The following NBAS variants were observed in gnomAD, a reference collection of about 807,000 sequenced individuals.
NBAS encodes NAG/BC035112 fusion.
NBAS carries 219 observed loss-of-function variants against 302.5 expected under a neutral mutation model. The ratio of observed to expected loss-of-function variants is 0.72; its 90% confidence interval spans 0.65 to 0.81. The LOEUF (loss-of-function observed/expected upper bound fraction) is 0.81. Among genes scored for constraint, NBAS ranks in the 30% least tolerant of loss-of-function variants. The probability of loss-of-function intolerance (pLI) is 0.00; values close to 1 mark genes in which losing one functional copy is unlikely to be tolerated. For missense variants in NBAS, 2,932 were observed against 2,841.6 expected, an observed-to-expected ratio of 1.03 and a Z score of -0.72; for synonymous variants, 1,118 against 1,021.6, an observed-to-expected ratio of 1.09 and a Z score of -1.80.
At chr2:15,099,435 A>T in the NBAS span, among the ~76,000 whole-genome samples, 1 of 152,124 alleles carries the variant, frequency 6.6e-6, no homozygotes, top group Admixed American at 6.6e-5. Context: ...TGAAAAGAAC[A>T]TTGTAATTTT....
intron 44 of NBAS, among the ~76,000 whole-genome samples, chr2:15,243,551 G>C (rs1667956053): frequency 6.6e-6 from 1 of 151,346 alleles, no homozygotes; most frequent in Non-Finnish European, 1.5e-5. Context: ...GCAATATGTG[G>C]CTTTGGTTTT....
At chr2:15,347,396 CA>C in intron 35 of NBAS, among the ~76,000 whole-genome samples, 1 of 152,134 alleles carries the variant, frequency 6.6e-6, no homozygotes, top group Non-Finnish European at 1.5e-5. Context: ...GGAAACAACC[CA>C]AATGTCCACC....
chr2:15,300,040 G>A (rs1044242331), intron 40 of NBAS, among the ~76,000 whole-genome samples: 3 of 152,158 alleles, frequency 2.0e-5, no homozygotes, highest in Non-Finnish European at 4.4e-5. Context: ...AAATGCAGGC[G>A]AGGGAGGCAG....
the NBAS span, among the ~76,000 whole-genome samples, chr2:14,792,010 A>C: frequency 6.6e-6 from 1 of 151,912 alleles, no homozygotes; most frequent in Non-Finnish European, 1.5e-5. Flanking sequence ...GGACATCAAT[A>C]GGGGGAACCT....
At chr2:15,158,714 C>T in the NBAS span, among the ~76,000 whole-genome samples, 2 of 152,200 alleles carry the variant, frequency 1.3e-5, no homozygotes, top group African/African-American at 4.8e-5. Flanking sequence ...CACCTTTCCT[C>T]TTTCCTCTTT....
At chr2:15,087,748 A>G in the NBAS span, among the ~76,000 whole-genome samples, 1 of 152,248 alleles carries the variant, frequency 6.6e-6, no homozygotes, top group Non-Finnish European at 1.5e-5. Context: ...AAGCTGTGCC[A>G]TTTGAGAGGC....
chr2:14,978,231 C>T, the NBAS span, among the ~76,000 whole-genome samples: 1 of 152,162 alleles, frequency 6.6e-6, no homozygotes, highest in African/African-American at 2.4e-5. Flanking sequence ...TAATTCTCTT[C>T]CTCATATCTC....
chr2:15,074,023 G>A, the NBAS span, among the ~76,000 whole-genome samples: 1 of 152,180 alleles, frequency 6.6e-6, no homozygotes, highest in African/African-American at 2.4e-5. Context: ...AAAATCTTAT[G>A]AATAATGAGG....
intron 47 of NBAS, among the ~76,000 whole-genome samples, chr2:15,226,148 C>T (rs1667143132): frequency 6.6e-6 from 1 of 152,300 alleles, no homozygotes; most frequent in South Asian, 2.1e-4. Flanking sequence ...GAAATGCATA[C>T]CTCTCTGAGC....
At chr2:14,861,138 T>C in the NBAS span, among the ~76,000 whole-genome samples, 1 of 152,234 alleles carries the variant, frequency 6.6e-6, no homozygotes, top group African/African-American at 2.4e-5. Flanking sequence ...TATAATCTTC[T>C]TGAAGTCCCA....
rs763257829 is a variant in NBAS, at chr2:15,467,359, T to C, written c.2067A>G (p.Leu689=). 6.8e-6 allele frequency: 11 copies of C among 1,613,458 alleles called. No homozygotes were observed. Among genetic ancestry groups the C allele is most frequent in the Admixed American group, 6.7e-5 (4 of 59,974 alleles). Residue 689 remains leucine, a synonymous_variant, in exon 19 of 52, where the codon TTA becomes TTG. Transcript: ENST00000281513. ...KELCRCRRKL[L]TYLDRLATYE... is the part of the protein sequence containing the mutation. ...ATGTTGCAAGTCGATCTAAGTAGGT[T>C]AATAACTTCCGTCTACAACGGCAAA...
intron 23 of NBAS, among the ~76,000 whole-genome samples, chr2:15,421,794 A>G (rs1677227311): frequency 6.6e-6 from 1 of 152,232 alleles, no homozygotes; most frequent in South Asian, 2.1e-4. Context: ...TTAAAGTTTC[A>G]GAAAGCTCTA....
At chr2:14,871,589 G>A in the NBAS span, among the ~76,000 whole-genome samples, 1 of 151,982 alleles carries the variant, frequency 6.6e-6, no homozygotes, top group African/African-American at 2.4e-5. Flanking sequence ...ATGATGACAA[G>A]ATATTGAAGG....
chr2:14,815,941 AT>A, the NBAS span, among the ~76,000 whole-genome samples: 2 of 152,308 alleles, frequency 1.3e-5, no homozygotes, highest in East Asian at 3.9e-4. Context: ...AAATACTAAA[AT>A]TTTTACATCC....
At chr2:14,873,311 C>G in the NBAS span, among the ~76,000 whole-genome samples, 1 of 152,208 alleles carries the variant, frequency 6.6e-6, no homozygotes, top group Non-Finnish European at 1.5e-5. Context: ...CCCACCCGAT[C>G]CAGAAGCCCA....
chr2:15,422,217 C>CATACAGT (rs1162776583), intron 23 of NBAS, among the ~76,000 whole-genome samples: 2 of 152,194 alleles, frequency 1.3e-5, no homozygotes, highest in African/African-American at 4.8e-5. Flanking sequence ...TGGTTGGAAT[C>CATACAGT]ATACAGTATG....
At chr2:15,065,799 C>T in the NBAS span, among the ~76,000 whole-genome samples, 1 of 152,054 alleles carries the variant, frequency 6.6e-6, no homozygotes, top group Admixed American at 6.6e-5. Flanking sequence ...CTTGTTACTG[C>T]TAAATTGCCC....
At chr2:14,808,606 G>A in the NBAS span, among the ~76,000 whole-genome samples, 80 of 152,124 alleles carry the variant, frequency 5.3e-4, no homozygotes, top group Non-Finnish European at 9.7e-4. Flanking sequence ...GTGAGGCTTC[G>A]CCAGCCATGT....
chr2:15,528,561 T>G (rs1435050136), intron 9 of NBAS, among the ~76,000 whole-genome samples: 2 of 149,266 alleles, frequency 1.3e-5, no homozygotes, highest in Non-Finnish European at 3.0e-5. Context: ...ATTTTAGACA[T>G]CAGTAAAATA....
Sources: gnomAD v4.1 joint callset for allele counts (sites outside exome capture counted in the v4.1 genomes callset) on GRCh38, gnomAD v4.1.1 for gene constraint, MANE v1.5 for transcripts, NCBI Gene and HGNC (gene_info 2026-07-23, HGNC 2026-07-21) for gene names.